The following CSMD1 variants were observed in gnomAD, a reference collection of about 807,000 sequenced individuals.
CSMD1 encodes the protein CUB and Sushi multiple domains 1, also known as CUB and sushi domain-containing protein 1.
In CSMD1, 213 loss-of-function variants were observed where a neutral mutation model predicts 417.5. The ratio of observed to expected loss-of-function variants is 0.51; its 90% CI spans 0.46 to 0.57. The LOEUF (loss-of-function observed/expected upper bound fraction) is 0.57. Among genes scored for constraint, CSMD1 ranks in the 20% least tolerant of loss-of-function variants. The pLI, the probability that CSMD1 is intolerant of heterozygous loss-of-function variation, is 0.00. For missense variants in CSMD1, 6,923 were observed against 4,529.7 expected, an observed-to-expected ratio of 1.53 and a Z score of -15.17; for synonymous variants, 2,862 against 1,736.8, an observed-to-expected ratio of 1.65 and a Z score of -16.11.
intron 25 of CSMD1, among the ~76,000 whole-genome samples, chr8:3,306,125 CCACTT>C (rs1332198022): frequency 3.3e-5 from 5 of 152,180 alleles, no homozygotes; most frequent in African/African-American, 9.7e-5. Flanking sequence ...TTTCCTCACT[CCACTT>C]CATCCCATTT....
rs112989859 is a variant in CSMD1, at chr8:4,475,513, G to A, written c.303-55448C>T. Reference sequence around the variant, plus strand: ...AATTGTGTTTTTTAGAGAAAAACATGGACTCAGAGATAACTAGAAAGTTTC... The same window carrying A: ...AATTGTGTTTTTTAGAGAAAAACATAGACTCAGAGATAACTAGAAAGTTTC... On this transcript the variant is annotated intron_variant, in intron 2 of 69. Transcript: ENST00000635120. Among the ~76,000 whole-genome samples, 1,140 of 152,224 alleles carry A rather than the reference G, an allele frequency of 7.5e-3. 14 individuals carry two copies. Among genetic ancestry groups the A allele is most frequent in the African/African-American group, 0.025 (1,054 of 41,534 alleles).
intron 2 of CSMD1, among the ~76,000 whole-genome samples, chr8:4,543,334 C>T (rs906693754): frequency 2.0e-5 from 3 of 152,134 alleles, no homozygotes; most frequent in South Asian, 4.1e-4. Context: ...AACCACCCAT[C>T]CTTTTAGCGT....
intron 12 of CSMD1, among the ~76,000 whole-genome samples, chr8:3,411,866 A>T (rs1260676640): frequency 7.2e-6 from 1 of 139,330 alleles, no homozygotes; most frequent in African/African-American, 2.6e-5. Flanking sequence ...ATGCACGTAT[A>T]TATGCACGTA....
chr8:4,073,049 G>T (rs544988483), intron 3 of CSMD1, among the ~76,000 whole-genome samples: 1 of 152,120 alleles, frequency 6.6e-6, no homozygotes, highest in Non-Finnish European at 1.5e-5. Context: ...TAGCGTAGAT[G>T]ATAGTCAATA....
At chr8:3,688,237 A>C (rs1489969047) in intron 7 of CSMD1, among the ~76,000 whole-genome samples, 2 of 152,220 alleles carry the variant, frequency 1.3e-5, no homozygotes, top group Non-Finnish European at 2.9e-5. Context: ...ATGATAGTAT[A>C]ATTTTATTCA....
chr8:3,694,101 T>G (rs62474723), intron 7 of CSMD1, among the ~76,000 whole-genome samples: 1 of 151,522 alleles, frequency 6.6e-6, no homozygotes, highest in African/African-American at 2.4e-5. Context: ...TTGTGTGTGT[T>G]TTGGGTATAG....
intron 4 of CSMD1, among the ~76,000 whole-genome samples, chr8:4,017,879 C>G (rs947651168): frequency 6.6e-6 from 1 of 152,098 alleles, no homozygotes; most frequent in Non-Finnish European, 1.5e-5. Context: ...TTTCAACTGA[C>G]CAAAGGACTT....
intron 2 of CSMD1, among the ~76,000 whole-genome samples, chr8:4,444,994 C>T (rs995055665): frequency 6.6e-6 from 1 of 152,180 alleles, no homozygotes; most frequent in Non-Finnish European, 1.5e-5. Context: ...CCTTCTCTTG[C>T]ATTTGATTTT....
At chr8:2,955,887 C>T in intron 63 of CSMD1, 119 bp from the exon 64 acceptor site, 10 of 667,798 alleles carry the variant, frequency 1.5e-5, no homozygotes, top group Non-Finnish European at 2.2e-5. Context: ...TGTATATATA[C>T]ATATATATAC....
intron 38 of CSMD1, 59 bp downstream of exon 38, chr8:3,162,098 AAG>A (rs1819932047): frequency 9.1e-7 from 1 of 1,102,340 alleles, no homozygotes; most frequent in East Asian, 2.6e-5. Flanking sequence ...CTTTGGCTTT[AAG>A]AGAGCTGCAC....
intron 2 of CSMD1, among the ~76,000 whole-genome samples, chr8:4,577,193 T>C (rs1799179508): frequency 6.6e-6 from 1 of 152,234 alleles, no homozygotes. Context: ...AGCGAGATTT[T>C]CTTTTGAATG....
At chr8:3,926,397 C>G (rs2554666) in intron 5 of CSMD1, among the ~76,000 whole-genome samples, 73,652 of 150,296 alleles carry the variant, frequency 0.49, 18,428 homozygotes, top group East Asian at 0.71. Flanking sequence ...AAGATTTTTT[C>G]TGTCTTTTGT....
chr8:4,787,423 C>T, intron 1 of CSMD1: 1 of 753,174 alleles, frequency 1.3e-6, no homozygotes. Flanking sequence ...AGTCCAAGGA[C>T]AAGATTACAG....
At chr8:4,446,909 T>C (rs1297881738) in intron 2 of CSMD1, among the ~76,000 whole-genome samples, 7 of 151,064 alleles carry the variant, frequency 4.6e-5, no homozygotes, top group African/African-American at 7.3e-5. Context: ...GCGTGAGCCA[T>C]TGCGCCTGGC....
chr8:4,461,397 G>C (rs915432488), intron 2 of CSMD1, among the ~76,000 whole-genome samples: 3 of 150,702 alleles, frequency 2.0e-5, no homozygotes, highest in South Asian at 4.2e-4. Context: ...CATAAAGATA[G>C]GTAAAGAAGA....
chr8:4,632,242 G>T (rs10503268), intron 2 of CSMD1, among the ~76,000 whole-genome samples: 13,295 of 152,220 alleles, frequency 0.087, 674 homozygotes, highest in African/African-American at 0.14. Context: ...TATTGACGAT[G>T]TGAAAGTCAA....
At chr8:4,206,843 C>A (rs933952699) in intron 3 of CSMD1, among the ~76,000 whole-genome samples, 1 of 152,154 alleles carries the variant, frequency 6.6e-6, no homozygotes, top group East Asian at 1.9e-4. Context: ...TTTGTGGGCT[C>A]CTAGAAGCAA....
intron 26 of CSMD1, among the ~76,000 whole-genome samples, chr8:3,231,879 T>G (rs1189232129): frequency 2.0e-5 from 3 of 152,230 alleles, no homozygotes; most frequent in Non-Finnish European, 2.9e-5. Context: ...TCATTAAGTC[T>G]GCTATGAAGA....
chr8:3,548,472 G>A (rs1407890749), intron 10 of CSMD1, among the ~76,000 whole-genome samples: 2 of 151,712 alleles, frequency 1.3e-5, no homozygotes, highest in East Asian at 2.0e-4. Context: ...CTGAGTCCTC[G>A]AGGTCTACCC....
Sources: gnomAD v4.1 joint callset for allele counts (sites outside exome capture counted in the v4.1 genomes callset) on GRCh38, gnomAD v4.1.1 for gene constraint, MANE v1.5 for transcripts, NCBI Gene and HGNC (gene_info 2026-07-23, HGNC 2026-07-21) for gene names.